Variants in DLGAP2 observed in about 807,000 individuals in gnomAD.
DLGAP2 encodes DLG associated protein 2.
DLGAP2 carries 26 observed loss-of-function variants against 100.3 expected under a neutral mutation model. The observed-to-expected ratio is 0.26, with a 90% CI of 0.19 to 0.36. DLGAP2 has a LOEUF of 0.36. Among genes scored for constraint, DLGAP2 ranks in the 10% least tolerant of loss-of-function variants. The probability of loss-of-function intolerance (pLI) is 1.00; values close to 1 mark genes in which losing one functional copy is unlikely to be tolerated. For synonymous variants in DLGAP2, 886 were observed against 630.1 expected, an observed-to-expected ratio of 1.41 and a Z score of -6.08; for missense variants, 1,858 against 1,453.2, an observed-to-expected ratio of 1.28 and a Z score of -4.53.
In DLGAP2 at chr8:854,809, C is replaced by T. The variant is rs540782449; in HGVS notation, c.19-53103C>T. Among the ~76,000 whole-genome samples, 14 of 152,296 alleles carry T rather than the reference C, an allele frequency of 9.2e-5. No homozygotes were observed. In the South Asian group the frequency reaches 2.7e-3, roughly 29 times the overall value. On this transcript the variant is annotated intron_variant, in intron 1 of 14. Coordinates refer to ENST00000637795, the MANE Select transcript of DLGAP2 (RefSeq NM_001346810.2). ...ATGTGGTTTTGGAAATACTGAGCTT[C>T]AGGATGAGGTCCCTGAGATGCGATG...
chr8:1,204,160 T>G (rs1797941862), intron 2 of DLGAP2, among the ~76,000 whole-genome samples: 1 of 152,144 alleles, frequency 6.6e-6, no homozygotes, highest in African/African-American at 2.4e-5. Context: ...AGACCAGAGT[T>G]TGAGTAGTGA....
At chr8:1,075,259 T>C (rs533266003) in intron 2 of DLGAP2, among the ~76,000 whole-genome samples, 56 of 152,250 alleles carry the variant, frequency 3.7e-4, no homozygotes, top group African/African-American at 1.3e-3. Flanking sequence ...TAGGACCCTC[T>C]TGTTGAGGAG....
intron 2 of DLGAP2, among the ~76,000 whole-genome samples, chr8:1,156,582 CCCCCAGCCCAGCG>C (rs1796792138): frequency 1.5e-5 from 2 of 133,004 alleles, no homozygotes; most frequent in Non-Finnish European, 1.6e-5. Flanking sequence ...CCTGCTCAGC[CCCCCAGCCCAGCG>C]CCCCAGCCTA....
chr8:814,585 A>G (rs1050014939), intron 1 of DLGAP2, among the ~76,000 whole-genome samples: 3 of 152,166 alleles, frequency 2.0e-5, no homozygotes, highest in East Asian at 3.9e-4. Context: ...AAAATGACCA[A>G]TTAGAAATAC....
At chr8:1,121,150 C>T (rs1205275067) in intron 2 of DLGAP2, among the ~76,000 whole-genome samples, 3 of 150,774 alleles carry the variant, frequency 2.0e-5, no homozygotes, top group Non-Finnish European at 4.4e-5. Context: ...GAAGCCATGA[C>T]CACCCATCCT....
intron 2 of DLGAP2, among the ~76,000 whole-genome samples, chr8:1,076,684 G>A (rs369683681): frequency 3.3e-5 from 5 of 152,206 alleles, no homozygotes; most frequent in African/African-American, 7.2e-5. Flanking sequence ...CTTCCTCATC[G>A]TTAAAGGCCA....
Position 850,782 on chromosome 8 carries a change from G to GTAA in DLGAP2, c.19-57128_19-57126dup, listed in dbSNP as rs534489320. Among the ~76,000 whole-genome samples the GTAA allele has an allele frequency of 4.7e-3, 718 of 152,242 alleles. 12 individuals carry two copies. Among genetic ancestry groups the GTAA allele is most frequent in the South Asian group, 0.043 (208 of 4,824 alleles). On this transcript the variant is annotated intron_variant, in intron 1 of 14. Coordinates refer to ENST00000637795, the MANE Select transcript of DLGAP2 (RefSeq NM_001346810.2). The stretch of plus-strand genomic sequence containing the variant: ...AATCCTGAAAGTATGCCACAGTGTT[G>GTAA]TAATGCACTGTGATTGTCTCAATTT...
At chr8:981,225 A>C (rs1321880312) in intron 2 of DLGAP2, among the ~76,000 whole-genome samples, 1 of 152,108 alleles carries the variant, frequency 6.6e-6, no homozygotes, top group Non-Finnish European at 1.5e-5. Context: ...TCCAAGGCTC[A>C]TCTGGGTTGT....
chr8:1,691,719 T>C (rs780758445), intron 13 of DLGAP2, 93 bp downstream of exon 13: 103 of 1,105,430 alleles, frequency 9.3e-5, no homozygotes, highest in Non-Finnish European at 1.3e-4. Flanking sequence ...TGTCAAAGAG[T>C]TCCCATCGGT....
intron 1 of DLGAP2, among the ~76,000 whole-genome samples, chr8:870,666 C>T (rs1402245847): frequency 2.6e-5 from 4 of 152,070 alleles, no homozygotes. Context: ...GACTATTATC[C>T]AGCTTTTGGA....
chr8:1,621,580 C>T (rs1374506699), intron 6 of DLGAP2: 1 of 152,300 alleles, frequency 6.6e-6, no homozygotes, highest in African/African-American at 2.4e-5. Flanking sequence ...GAAGAGCAGT[C>T]ATCAGTATGG....
intron 2 of DLGAP2, among the ~76,000 whole-genome samples, chr8:985,245 C>T (rs111621526): frequency 3.3e-5 from 5 of 152,328 alleles, no homozygotes; most frequent in African/African-American, 1.2e-4. Context: ...TGGCTCAGCT[C>T]TCCACACCCA....
chr8:1,306,074 CAAAAAA>C (rs61647224), intron 3 of DLGAP2, among the ~76,000 whole-genome samples: 8 of 116,452 alleles, frequency 6.9e-5, no homozygotes, highest in Non-Finnish European at 8.9e-5. Context: ...AGAAATTAGG[CAAAAAA>C]AAAAAAAAAA....
chr8:1,644,374 C>A (rs1471986615), intron 8 of DLGAP2, among the ~76,000 whole-genome samples: 2 of 152,216 alleles, frequency 1.3e-5, no homozygotes, highest in African/African-American at 4.8e-5. Context: ...ACCAGACGGC[C>A]CAGCTGCCCT....
intron 6 of DLGAP2, among the ~76,000 whole-genome samples, chr8:1,582,154 C>CA (rs1803299112): frequency 1.4e-5 from 2 of 148,138 alleles, no homozygotes; most frequent in African/African-American, 5.0e-5. Context: ...CACATGTACA[C>CA]ACCACAGTCA....
At chr8:1,457,467 A>T (rs956152641) in intron 3 of DLGAP2, among the ~76,000 whole-genome samples, 2 of 152,180 alleles carry the variant, frequency 1.3e-5, no homozygotes, top group Non-Finnish European at 2.9e-5. Flanking sequence ...TCTCCTAGAA[A>T]CATAGGTTTG....
intron 1 of DLGAP2, among the ~76,000 whole-genome samples, chr8:765,713 C>A (rs779769598): frequency 2.0e-5 from 3 of 152,182 alleles, no homozygotes; most frequent in Admixed American, 1.3e-4. Flanking sequence ...AACATGGTGC[C>A]TTCACCTCGT....
chr8:1,141,667 G>A (rs1021603358), intron 2 of DLGAP2, among the ~76,000 whole-genome samples: 11 of 152,098 alleles, frequency 7.2e-5, no homozygotes, highest in African/African-American at 1.9e-4. Flanking sequence ...ACAACCTTCA[G>A]GTTCTAACAT....
At position 1,258,879 on chromosome 8, in the gene DLGAP2, G is replaced by A. The variant is rs956332379; in HGVS notation, c.102G>A (p.Pro34=). Residue 34 remains proline, a synonymous_variant, in exon 3 of 15, where the codon CCG becomes CCA. Transcript: ENST00000637795. ...TESQCTLCGE[P]EEEEAGDLVQ... ...CGCAGTGCACGCTCTGCGGGGAGCC[G>A]GAAGGTGAGTACCTGACATGCTGCC... 57 of 1,231,688 alleles carry A rather than the reference G, an allele frequency of 4.6e-5. No homozygotes were observed. The highest frequency in any genetic ancestry group is 6.2e-5 in the African/African-American group (4 of 64,420). The allele number at this position is 1,231,688 out of a possible 1,614,324, so 76.3% of individuals were successfully genotyped here.
Sources: gnomAD v4.1 joint callset for allele counts (sites outside exome capture counted in the v4.1 genomes callset) on GRCh38, gnomAD v4.1.1 for gene constraint, MANE v1.5 for transcripts, NCBI Gene and HGNC (gene_info 2026-07-23, HGNC 2026-07-21) for gene names.